NEDD4: variants seen among roughly 807,000 people sequenced by gnomAD.
The protein encoded by NEDD4 is E3 ubiquitin-protein ligase NEDD4.
Under a neutral mutation model 144.9 loss-of-function variants are expected in NEDD4, and 99 were observed. The ratio of observed to expected loss-of-function variants is 0.68; its 90% CI spans 0.58 to 0.81. The LOEUF (loss-of-function observed/expected upper bound fraction) is 0.81, where lower values mean the gene tolerates loss of function less well. Among genes scored for constraint, NEDD4 ranks in the 30% least tolerant of loss-of-function variants. The pLI is 0.00. For synonymous variants in NEDD4, 318 were observed against 350.6 expected (o/e 0.91, Z 1.04); for missense variants, 985 against 1,065.9 (o/e 0.92, Z 1.06).
intron 5 of NEDD4, among the ~76,000 whole-genome samples, chr15:55,881,945 A>T (rs545748287): frequency 6.6e-6 from 1 of 152,158 alleles, no homozygotes; most frequent in African/African-American, 2.4e-5. Context: ...CCCTCCAGTT[A>T]TAACAACCAA....
At chr15:55,927,892 A>G (rs903280072) in intron 4 of NEDD4, among the ~76,000 whole-genome samples, 3 of 152,212 alleles carry the variant, frequency 2.0e-5, no homozygotes, top group Admixed American at 6.5e-5. Flanking sequence ...AAAAACCTCC[A>G]AAGTATCAAT....
At chr15:55,938,697 C>T (rs1345368970) in intron 4 of NEDD4, among the ~76,000 whole-genome samples, 1 of 152,014 alleles carries the variant, frequency 6.6e-6, no homozygotes, top group African/African-American at 2.4e-5. Flanking sequence ...AAAATATTTG[C>T]AGACCATGTA....
intron 5 of NEDD4, chr15:55,916,002 C>G (rs756868539): frequency 1.2e-6 from 2 of 1,613,604 alleles, no homozygotes; most frequent in East Asian, 4.5e-5. Flanking sequence ...AGAAGTCGGT[C>G]GGGTAGTTGA....
intron 1 of NEDD4, among the ~76,000 whole-genome samples, chr15:55,986,535 C>A (rs2037894436): frequency 6.8e-6 from 1 of 147,790 alleles, no homozygotes. Context: ...CAGACCCAAA[C>A]AGACCCAAAA....
At chr15:55,890,418 C>T (rs1185942414) in intron 5 of NEDD4, among the ~76,000 whole-genome samples, 1 of 152,134 alleles carries the variant, frequency 6.6e-6, no homozygotes, top group Non-Finnish European at 1.5e-5. Context: ...ATGGATTTGC[C>T]TATTCTGGAT....
chr15:55,916,619 T>C (rs886647871), intron 5 of NEDD4: 11 of 1,613,928 alleles, frequency 6.8e-6, no homozygotes, highest in Admixed American at 5.0e-5. Flanking sequence ...GAACAGATGA[T>C]CTTTCTTGAG....
intron 5 of NEDD4, among the ~76,000 whole-genome samples, chr15:55,891,282 A>T (rs1405528762): frequency 1.3e-5 from 2 of 152,224 alleles, no homozygotes; most frequent in African/African-American, 4.8e-5. Flanking sequence ...CCAAACTAAA[A>T]GTCAATATGC....
chr15:55,899,780 G>A (rs1166257382), intron 5 of NEDD4, among the ~76,000 whole-genome samples: 1 of 152,192 alleles, frequency 6.6e-6, no homozygotes, highest in Non-Finnish European at 1.5e-5. Flanking sequence ...GCTGTCCAAT[G>A]CAGGAGCCAG....
chr15:55,881,614 T>C (rs2035195887), intron 5 of NEDD4, among the ~76,000 whole-genome samples: 1 of 152,180 alleles, frequency 6.6e-6, no homozygotes, highest in African/African-American at 2.4e-5. Context: ...TTAACTTAGG[T>C]TTAGGCTTAA....
In NEDD4 at chr15:55,828,061, C is replaced by G. The variant is rs2141946600; in HGVS notation, c.*1836G>C. On this transcript the variant is annotated 3_prime_UTR_variant, in exon 29 of 29. Transcript: ENST00000435532. Reference sequence around the variant, plus strand: ...TATCAAACCAGGACTATACCTGGTGCTCATCCTTGACTGCTGGTTGACAAT... The same window carrying G: ...TATCAAACCAGGACTATACCTGGTGGTCATCCTTGACTGCTGGTTGACAAT... 6.6e-6 allele frequency: 1 copy of G among 152,316 alleles called. No individual in the cohort carries two copies. The highest frequency in any genetic ancestry group is 1.9e-4 in the East Asian group (1 of 5,186). The allele number at this position is 152,316 out of a possible 1,614,324, so 9.4% of individuals were successfully genotyped here.
At chr15:55,895,606 T>TTTTA (rs555658068) in intron 5 of NEDD4, among the ~76,000 whole-genome samples, 18 of 152,228 alleles carry the variant, frequency 1.2e-4, no homozygotes, top group Admixed American at 3.3e-4. Context: ...TGATAGGCTA[T>TTTTA]TTAAAGACAG....
At chr15:55,889,675 T>C (rs1489786666) in intron 5 of NEDD4, among the ~76,000 whole-genome samples, 1 of 151,944 alleles carries the variant, frequency 6.6e-6, no homozygotes, top group Non-Finnish European at 1.5e-5. Context: ...TAGTCAAAAA[T>C]AATTTAATTT....
chr15:55,840,788 C>T, intron 19 of NEDD4, 61 bp from the exon 20 acceptor site: 1 of 1,496,430 alleles, frequency 6.7e-7, no homozygotes, highest in Non-Finnish European at 9.2e-7. Flanking sequence ...CAAATAATTA[C>T]AAATAATCTT....
chr15:55,971,197 C>G (rs374971497), intron 1 of NEDD4, among the ~76,000 whole-genome samples: 26 of 152,046 alleles, frequency 1.7e-4, no homozygotes, highest in African/African-American at 5.3e-4. Flanking sequence ...GAATTGATCA[C>G]GCAGAAGAAA....
chr15:55,905,941 C>T (rs1474275517), intron 5 of NEDD4, among the ~76,000 whole-genome samples: 3 of 152,170 alleles, frequency 2.0e-5, no homozygotes, highest in Admixed American at 6.5e-5. Flanking sequence ...GACATGAAGT[C>T]CTTGCCCATG....
chr15:55,833,592 T>G (rs2033060753), intron 26 of NEDD4, among the ~76,000 whole-genome samples: 1 of 151,756 alleles, frequency 6.6e-6, no homozygotes, highest in South Asian at 2.1e-4. Context: ...ACATGGGAGG[T>G]GGAGGTGGCA....
intron 5 of NEDD4, among the ~76,000 whole-genome samples, chr15:55,899,477 G>A (rs2035843735): frequency 6.6e-6 from 1 of 152,112 alleles, no homozygotes; most frequent in African/African-American, 2.4e-5. Flanking sequence ...CAGGAAAAAC[G>A]GGGATGTGGG....
At chr15:55,851,367 A>G (rs1299132378) in intron 13 of NEDD4, among the ~76,000 whole-genome samples, 3 of 148,952 alleles carry the variant, frequency 2.0e-5, no homozygotes, top group African/African-American at 7.4e-5. Context: ...CACAACATCA[A>G]TGCAAAGTTT....
Position 55,966,537 on chromosome 15 carries a change from G to C in NEDD4, c.55C>G (p.Arg19Gly). The stretch of plus-strand genomic sequence containing the variant: ...GCTATAACTCTTACTCTCACAATTC[G>C]TGAATTTTCCTAAAATACAAAAATT... The part of the protein sequence containing the change: ...FGLLEDEENS[R>G]IVRVRVIAGI... The change falls in exon 2 of 29, where the codon CGA becomes GGA. Residue 19 changes from arginine to glycine, a missense_variant. Arg to Gly is a moderately radical substitution (Grantham distance 125, BLOSUM62 -2). Transcript: ENST00000435532. 1 of 1,512,886 alleles carries C rather than the reference G, an allele frequency of 6.6e-7. No homozygotes were observed. The highest frequency in any genetic ancestry group is 8.8e-7 in the Non-Finnish European group (1 of 1,130,852). The allele number at this position is 1,512,886 out of a possible 1,614,324, so 93.7% of individuals were successfully genotyped here. A position where few individuals can be genotyped will look rare whatever the true frequency, so the allele number is the denominator to read the frequency against.
Sources: gnomAD v4.1 joint callset for allele counts (sites outside exome capture counted in the v4.1 genomes callset) on GRCh38, gnomAD v4.1.1 for gene constraint, MANE v1.5 for transcripts, NCBI Gene and HGNC (gene_info 2026-07-23, HGNC 2026-07-21) for gene names.